Variants in TTLL11 observed in about 807,000 individuals in gnomAD.
The protein encoded by TTLL11 is tubulin tyrosine ligase like 11.
Under a neutral mutation model 51.7 loss-of-function variants are expected in TTLL11, and 42 were observed. That is an observed-to-expected ratio of 0.81 (90% CI 0.64 to 1.05). The LOEUF (loss-of-function observed/expected upper bound fraction) is 1.05, where lower values mean the gene tolerates loss of function less well. Ranked by LOEUF, TTLL11 falls within the 50% of genes least tolerant of loss-of-function variation. The pLI is 0.00. For missense variants in TTLL11, 799 were observed against 940.4 expected (o/e 0.85, Z 1.97); for synonymous variants, 381 against 383.5 (o/e 0.99, Z 0.08).
intron 1 of TTLL11, among the ~76,000 whole-genome samples, chr9:122,048,855 G>C (rs1845084533): frequency 6.6e-6 from 1 of 152,050 alleles, no homozygotes; most frequent in Non-Finnish European, 1.5e-5. Flanking sequence ...GCAACATCTT[G>C]TCTGTACATC....
At chr9:121,857,073 CAGA>C (rs1837846517) in intron 8 of TTLL11, among the ~76,000 whole-genome samples, 1 of 152,194 alleles carries the variant, frequency 6.6e-6, no homozygotes, top group Non-Finnish European at 1.5e-5. Context: ...ACCACAGGCA[CAGA>C]AGGCTTCCCA....
intron 6 of TTLL11, among the ~76,000 whole-genome samples, chr9:121,907,414 C>A (rs1427754810): frequency 6.7e-6 from 1 of 150,286 alleles, no homozygotes; most frequent in Non-Finnish European, 1.5e-5. Flanking sequence ...CATGCCACTG[C>A]ACTCCAGCCT....
intron 6 of TTLL11, among the ~76,000 whole-genome samples, chr9:121,971,581 C>T (rs1208362763): frequency 5.6e-5 from 8 of 142,308 alleles, no homozygotes; most frequent in African/African-American, 2.0e-4. Flanking sequence ...CCCAACAGCT[C>T]ATTGAGAACG....
At chr9:122,077,514 T>A (rs1228293954) in intron 1 of TTLL11, among the ~76,000 whole-genome samples, 1 of 150,572 alleles carries the variant, frequency 6.6e-6, no homozygotes, top group Non-Finnish European at 1.5e-5. Flanking sequence ...AGGGAGAAAA[T>A]GAACAAGAAA....
intron 8 of TTLL11, among the ~76,000 whole-genome samples, chr9:121,840,909 A>C (rs994514317): frequency 6.6e-6 from 1 of 152,236 alleles, no homozygotes; most frequent in African/African-American, 2.4e-5. Flanking sequence ...TGAATCAGGC[A>C]CTGGCACGAG....
chr9:121,899,343 GT>G (rs1564295199), intron 6 of TTLL11, among the ~76,000 whole-genome samples: 14 of 113,544 alleles, frequency 1.2e-4, no homozygotes, highest in African/African-American at 4.3e-4. Flanking sequence ...AATTCACTCT[GT>G]GTGTGTGTGT....
intron 6 of TTLL11, among the ~76,000 whole-genome samples, chr9:121,883,930 C>T (rs1194119686): frequency 1.3e-5 from 2 of 152,166 alleles, no homozygotes; most frequent in Non-Finnish European, 2.9e-5. Context: ...GGCTGACTGA[C>T]CTTGGGGAAG....
At chr9:121,855,192 A>T (rs1837777428) in intron 8 of TTLL11, among the ~76,000 whole-genome samples, 1 of 152,234 alleles carries the variant, frequency 6.6e-6, no homozygotes, top group South Asian at 2.1e-4. Context: ...TAGCTAATTT[A>T]AAAAGCTAAC....
In TTLL11 at chr9:121,826,571, A is replaced by G. The variant is rs1468989144; in HGVS notation, c.1841-3692T>C. On this transcript the variant is annotated intron_variant, in intron 8 of 8. Coordinates refer to ENST00000321582, the MANE Select transcript of TTLL11 (RefSeq NM_001139442.2). ...TATATGTGTGTGTATATATATATAT[A>G]TATATATATATGTATATGGTTTTAT... is the stretch of plus-strand genomic sequence containing the variant. Among the ~76,000 whole-genome samples the G allele has an allele frequency of 1.6e-4, 10 of 63,274 alleles. 1 individual carries two copies. The highest frequency in any genetic ancestry group is 7.1e-4 in the African/African-American group (10 of 14,030). The allele number at this position is 63,274 out of a possible 152,430, so 41.5% of individuals were successfully genotyped here. A position where few individuals can be genotyped will look rare whatever the true frequency, so the allele number is the denominator to read the frequency against.
intron 6 of TTLL11, among the ~76,000 whole-genome samples, chr9:121,903,874 G>A (rs952622874): frequency 1.3e-5 from 2 of 152,118 alleles, no homozygotes; most frequent in Non-Finnish European, 2.9e-5. Context: ...ATATTGAGGT[G>A]TATCTTTTCT....
At chr9:121,943,125 G>A (rs1379613339) in intron 6 of TTLL11, among the ~76,000 whole-genome samples, 2 of 152,172 alleles carry the variant, frequency 1.3e-5, no homozygotes, top group Non-Finnish European at 2.9e-5. Context: ...ACCCCCATCC[G>A]GAGGCAGGTT....
chr9:121,817,935 T>C lies in TTLL11; in HGVS notation c.*4652A>G, dbSNP rs1194637678. The stretch of plus-strand genomic sequence containing the variant: ...TTTGTAAACTGTGAAGGATTGAGCA[T>C]GTGCTGATAAAATCATGCAGGAAAG... On this transcript the variant is annotated 3_prime_UTR_variant, in exon 9 of 9. Transcript: ENST00000321582. 2.0e-5 allele frequency: 3 copies of C among 152,250 alleles called. No individual in the cohort carries two copies. Among genetic ancestry groups the C allele is most frequent in the Non-Finnish European group, 4.4e-5 (3 of 68,084 alleles). The allele number at this position is 152,250 out of a possible 1,614,324, so 9.4% of individuals were successfully genotyped here.
At chr9:122,034,141 G>A (rs1258421906) in intron 2 of TTLL11, among the ~76,000 whole-genome samples, 1 of 152,184 alleles carries the variant, frequency 6.6e-6, no homozygotes, top group South Asian at 2.1e-4. Flanking sequence ...TAGTGTTGTG[G>A]TATTTTCTGC....
At chr9:122,079,739 C>T (rs1167615703) in intron 1 of TTLL11, among the ~76,000 whole-genome samples, 1 of 151,524 alleles carries the variant, frequency 6.6e-6, no homozygotes, top group Non-Finnish European at 1.5e-5. Flanking sequence ...CCTATCAAAA[C>T]TTTTGGCAAT....
At chr9:121,833,717 C>T (rs1299672017) in intron 8 of TTLL11, among the ~76,000 whole-genome samples, 5 of 152,278 alleles carry the variant, frequency 3.3e-5, no homozygotes, top group Admixed American at 6.5e-5. Context: ...TTCTACATTA[C>T]GCTTTCTTAA....
chr9:121,886,181 T>G (rs1362357651), intron 6 of TTLL11, among the ~76,000 whole-genome samples: 1 of 152,230 alleles, frequency 6.6e-6, no homozygotes, highest in South Asian at 2.1e-4. Flanking sequence ...CCGTGCCCTA[T>G]GAGACCCCTT....
chr9:121,836,196 A>G (rs1243776393), intron 8 of TTLL11, among the ~76,000 whole-genome samples: 1 of 152,032 alleles, frequency 6.6e-6, no homozygotes, highest in Non-Finnish European at 1.5e-5. Context: ...AAAGCTTTGC[A>G]TTTGTCTTGG....
intron 6 of TTLL11, among the ~76,000 whole-genome samples, chr9:121,936,924 G>A (rs557896068): frequency 5.9e-5 from 9 of 152,114 alleles, no homozygotes; most frequent in African/African-American, 9.7e-5. Flanking sequence ...TGCTCCCTCC[G>A]TATGAGACAT....
intron 6 of TTLL11, among the ~76,000 whole-genome samples, chr9:121,928,921 A>C (rs577147259): frequency 6.6e-6 from 1 of 152,178 alleles, no homozygotes; most frequent in Non-Finnish European, 1.5e-5. Flanking sequence ...ATTATTTTAA[A>C]AACTTTTATA....
Sources: gnomAD v4.1 joint callset for allele counts (sites outside exome capture counted in the v4.1 genomes callset) on GRCh38, gnomAD v4.1.1 for gene constraint, MANE v1.5 for transcripts, NCBI Gene and HGNC (gene_info 2026-07-23, HGNC 2026-07-21) for gene names.